The following EP400 variants were observed in gnomAD, a reference collection of about 807,000 sequenced individuals.
EP400 encodes E1A binding protein p400.
Under a neutral mutation model 354.1 loss-of-function variants are expected in EP400, and 105 were observed. That is an observed-to-expected ratio of 0.30 (90% CI 0.25 to 0.35). The LOEUF is 0.35. EP400 is among the 10% of genes least tolerant of loss of function. EP400 has a pLI of 1.00. For missense variants in EP400, 3,280 were observed against 4,121.0 expected, an observed-to-expected ratio of 0.80 and a Z score of 5.59; for synonymous variants, 1,646 against 1,716.9, an observed-to-expected ratio of 0.96 and a Z score of 1.02.
chr12:132,025,857 C>T lies in EP400; in HGVS notation c.5014+53C>T. ...TTGGCTTGGATGCTTCTTTCTCTTC[C>T]ATCTAAGGCGAGTGGAAAGCATTCA... On this transcript the variant is annotated intron_variant, in intron 25 of 52. Coordinates refer to ENST00000389561, the MANE Select transcript of EP400 (RefSeq NM_015409.5). The surrounding 1 kb of genome is among the most constrained non-coding windows in gnomAD (Gnocchi z 4.1). 1 of 1,506,448 alleles carries T rather than the reference C, an allele frequency of 6.6e-7. No individual in the cohort carries two copies. The highest frequency in any genetic ancestry group is 8.8e-7 in the Non-Finnish European group (1 of 1,131,352). The allele number at this position is 1,506,448 out of a possible 1,614,324, so 93.3% of individuals were successfully genotyped here.
chr12:132,006,762 G>A lies in EP400; in HGVS notation c.3189G>A (p.Leu1063=), dbSNP rs773249909. 1.9e-6 allele frequency: 3 copies of A among 1,614,030 alleles called. No homozygotes were observed. The South Asian group carries it at 3.3e-5, about 18-fold the overall frequency. The change falls in exon 15 of 53, where the codon CTG becomes CTA. Residue 1063 remains leucine (L), a synonymous_variant. Transcript: ENST00000389561. ...GALRDYQKIG[L]DWLAKLYRKN... ...TCAGAGATTATCAGAAGATTGGCCTGGACTGGCTGGCCAAACTTTACAGGA... is the reference window on the plus strand; with the variant it reads ...TCAGAGATTATCAGAAGATTGGCCTAGACTGGCTGGCCAAACTTTACAGGA...
intron 21 of EP400, among the ~76,000 whole-genome samples, chr12:132,019,085 A>G (rs1894035515): frequency 6.6e-6 from 1 of 152,192 alleles, no homozygotes; most frequent in Admixed American, 6.5e-5. Flanking sequence ...GTTTCTGCTT[A>G]GCTTGAGGAC....
chr12:131,961,875 G>A lies in EP400; in HGVS notation c.1256G>A (p.Arg419Lys), dbSNP rs756118058. 1 of 1,614,156 alleles carries A rather than the reference G, an allele frequency of 6.2e-7. No homozygotes were observed. Among genetic ancestry groups the A allele is most frequent in the Non-Finnish European group, 8.5e-7 (1 of 1,180,040 alleles). ...KHYAPLQAYL[R>K]QNDLDIEEEE... ...TATGCCCCATTACAAGCATATCTTA[G>A]GCAGAATGATTTGGACATTGAAGAA... The change falls in exon 2 of 53, where the codon AGG becomes AAG. Residue 419 changes from arginine to lysine, a missense_variant. Physicochemically the swap from Arg to Lys is conservative, Grantham distance 26. Coordinates refer to ENST00000389561, the MANE Select transcript of EP400 (RefSeq NM_015409.5).
rs1894351894 is a variant in EP400, at chr12:132,027,633, C to G, written c.5109+102C>G. The G allele has an allele frequency of 1.4e-5, 13 of 920,564 alleles. No individual in the cohort carries two copies. Among genetic ancestry groups the G allele is most frequent in the Non-Finnish European group, 1.9e-5 (12 of 618,132 alleles). 57.0% of individuals were successfully genotyped at this position (920,564 alleles called of 1,614,324 possible). On this transcript the variant is annotated intron_variant, in intron 26 of 52. Coordinates refer to ENST00000389561, the MANE Select transcript of EP400 (RefSeq NM_015409.5). This position sits in a 1 kb window ranked among gnomAD's most constrained non-coding sequence, Gnocchi z 4.9. ...ATATTTAAAGGCTCCTGTGAATTCT[C>G]AAGTGATGTTACTGAATTCTTATTT...
intron 12 of EP400, among the ~76,000 whole-genome samples, chr12:132,003,824 A>C (rs909214721): frequency 6.6e-5 from 10 of 152,328 alleles, no homozygotes; most frequent in African/African-American, 2.2e-4. Context: ...AGTGTGGCAA[A>C]TATTTAACAT....
chr12:131,986,932 T>C (rs755454438), intron 6 of EP400, 125 bp downstream of exon 6: 139 of 1,187,290 alleles, frequency 1.2e-4, no homozygotes, highest in Non-Finnish European at 1.1e-4. Flanking sequence ...TGGGAATCAG[T>C]AGACACAAGA....
chr12:132,035,363 C>T (rs564066334), intron 30 of EP400, among the ~76,000 whole-genome samples: 2 of 152,320 alleles, frequency 1.3e-5, no homozygotes, highest in African/African-American at 2.4e-5. Context: ...AGCCATCCCA[C>T]GGTGTTGAGC....
In EP400 at chr12:132,062,578, G is replaced by GCAGCAGCAGCAGCAGCAA. The variant is rs1565933282; in HGVS notation, c.8225_8226insGCAACAGCAGCAGCAGCA (p.Gln2743_Gln2748dup). On this transcript the variant is annotated inframe_insertion, in exon 47 of 53. Coordinates refer to ENST00000389561, the MANE Select transcript of EP400 (RefSeq NM_015409.5). ...AGCAGCAGCAGCAGCAGCAGCAGCA[G>GCAGCAGCAGCAGCAGCAA]CAGCAGCAGCAGCAACAGCAGCAGC... The GCAGCAGCAGCAGCAGCAA allele has an allele frequency of 5.6e-6, 9 of 1,609,518 alleles. No homozygotes were observed. Among genetic ancestry groups the GCAGCAGCAGCAGCAGCAA allele is most frequent in the Admixed American group, 1.7e-5 (1 of 59,832 alleles).
chr12:132,029,876 G>C lies in EP400; in HGVS notation c.5557G>C (p.Glu1853Gln), dbSNP rs2136555305. The stretch of plus-strand genomic sequence containing the variant: ...GGCTCCACGCCTGCTGCAGTTCCCT[G>C]AGCTGAGGCTGGTGCAGTTCGACTC... Reference protein sequence around the residue: ...TTAPRLLQFPELRLVQFDSGK... With the variant: ...TTAPRLLQFPQLRLVQFDSGK... Residue 1853 changes from glutamate to glutamine, a missense_variant, in exon 28 of 53, where the codon GAG (glutamate) becomes CAG (glutamine). Physicochemically the swap from Glu to Gln is conservative, Grantham distance 29. Transcript: ENST00000389561. The surrounding 1 kb of genome is among the most constrained non-coding windows in gnomAD (Gnocchi z 4.7). 1 of 1,612,768 alleles carries C rather than the reference G, an allele frequency of 6.2e-7. No homozygotes were observed. Among genetic ancestry groups the C allele is most frequent in the East Asian group, 2.2e-5 (1 of 44,880 alleles).
chr12:131,954,899 G>GTAAGTCCCAGCTAC (rs1555270234), intron 1 of EP400, among the ~76,000 whole-genome samples: 1 of 150,968 alleles, frequency 6.6e-6, no homozygotes, highest in African/African-American at 2.4e-5. Flanking sequence ...GTGGTGGCGT[G>GTAAGTCCCAGCTAC]TAAGTCCCAG....
At position 132,041,554 on chromosome 12, in the gene EP400, C is replaced by T. The variant is rs142788757; in HGVS notation, c.6208-1750C>T. On this transcript the variant is annotated intron_variant, in intron 32 of 52. Transcript: ENST00000389561. ...TGTCTAGAGTTCTGTCTGAATATAC[C>T]GCCGTTTATCAGATCTGCAGCTTGT... is the stretch of plus-strand genomic sequence containing the variant. 1.9e-3 allele frequency among the ~76,000 whole-genome samples: 290 copies of T among 152,272 alleles called. 1 individual carries two copies. Among genetic ancestry groups the T allele is most frequent in the African/African-American group, 6.6e-3 (275 of 41,562 alleles).
At position 132,044,892 on chromosome 12, in the gene EP400, G is replaced by T; in HGVS notation, c.6723G>T (p.Glu2241Asp). The change falls in exon 37 of 53, where the codon GAG becomes GAT. Residue 2241 changes from glutamate (E) to aspartate (D), a missense_variant. By Grantham distance (45) the Glu-to-Asp change is conservative (BLOSUM62 2). Transcript: ENST00000389561. ...CLMYEATPIP[E>D]AKLPPVYVRK... ...TGTATGAAGCCACTCCCATCCCAGA[G>T]GCTAAGCTGCCCCCTGTGTACGTGA... The T allele has an allele frequency of 6.2e-7, 1 of 1,614,198 alleles. No individual in the cohort carries two copies. The highest frequency in any genetic ancestry group is 1.3e-5 in the African/African-American group (1 of 75,050).
intron 47 of EP400, among the ~76,000 whole-genome samples, chr12:132,063,492 C>T (rs1895774949): frequency 2.0e-5 from 3 of 152,052 alleles, no homozygotes; most frequent in Admixed American, 2.0e-4. Context: ...CAGAACAAGA[C>T]TGTGTCTCAA....
chr12:132,001,809 G>C (rs1893424940), intron 12 of EP400, among the ~76,000 whole-genome samples: 1 of 152,148 alleles, frequency 6.6e-6, no homozygotes, highest in Non-Finnish European at 1.5e-5. Flanking sequence ...CTCTGTATGG[G>C]CTGGCTTTTC....
chr12:132,063,416 G>A (rs552604806), intron 47 of EP400, among the ~76,000 whole-genome samples: 4 of 152,088 alleles, frequency 2.6e-5, no homozygotes, highest in African/African-American at 9.7e-5. Flanking sequence ...CCCAAGAATC[G>A]CTTGAACCTG....
At position 132,043,831 on chromosome 12, in the gene EP400, C is replaced by T. The variant is rs1214149811; in HGVS notation, c.6450+103C>T. On this transcript the variant is annotated intron_variant, in intron 34 of 52. Coordinates refer to ENST00000389561, the MANE Select transcript of EP400 (RefSeq NM_015409.5). ...CTTCATTAAATTAAAGTCACAAAAG[C>T]CAAAACCCACAAGTATGGAAATGAA... 1.1e-5 allele frequency: 12 copies of T among 1,045,608 alleles called. No homozygotes were observed. The East Asian group carries it at 3.0e-4, about 26-fold the overall frequency. 64.8% of individuals were successfully genotyped at this position (1,045,608 alleles called of 1,614,324 possible). A position where few individuals can be genotyped will look rare whatever the true frequency, so the allele number is the denominator to read the frequency against.
At chr12:131,980,550 T>C (rs1892645248) in intron 3 of EP400, among the ~76,000 whole-genome samples, 1 of 152,132 alleles carries the variant, frequency 6.6e-6, no homozygotes, top group Non-Finnish European at 1.5e-5. Flanking sequence ...TATCAGTCTA[T>C]CCATCTGCTT....
intron 7 of EP400, 118 bp downstream of exon 7, chr12:131,988,008 T>TC (rs1267984448): frequency 0.024 from 17,270 of 728,356 alleles, 694 homozygotes; most frequent in African/African-American, 0.11. Flanking sequence ...TTTTTTTTTT[T>TC]CCCCCAGACA....
At chr12:132,006,001 T>C in intron 13 of EP400, 111 bp from the exon 14 acceptor site, 1 of 999,126 alleles carries the variant, frequency 1.0e-6, no homozygotes, top group Non-Finnish European at 1.4e-6. Context: ...ATTGCCTAAT[T>C]CAGTATTTAA....
Sources: allele counts gnomAD v4.1 joint callset (sites outside exome capture counted in the v4.1 genomes callset), GRCh38; gene constraint gnomAD v4.1.1; non-coding constraint Gnocchi (gnomAD v3.1); transcripts MANE v1.5; gene names NCBI Gene and HGNC (gene_info 2026-07-23, HGNC 2026-07-21).